The following UNC13C variants were observed in gnomAD, a reference collection of about 807,000 sequenced individuals.
UNC13C encodes the protein protein unc-13 homolog C.
Under a neutral mutation model 245.4 loss-of-function variants are expected in UNC13C, and 174 were observed. That is an observed-to-expected ratio of 0.71 (90% CI 0.63 to 0.80). UNC13C has a LOEUF of 0.80. UNC13C is among the 30% of genes least tolerant of loss of function. The probability of loss-of-function intolerance (pLI) is 0.00; values close to 1 mark genes in which losing one functional copy is unlikely to be tolerated. For synonymous variants in UNC13C, 992 were observed against 895.1 expected (o/e 1.11, Z -1.93); for missense variants, 2,829 against 2,602.9 (o/e 1.09, Z -1.89).
At chr15:53,973,118 T>C in the UNC13C span, among the ~76,000 whole-genome samples, 1 of 152,252 alleles carries the variant, frequency 6.6e-6, no homozygotes, top group East Asian at 1.9e-4. Flanking sequence ...ATTACATAAA[T>C]AGCATATGGC....
chr15:54,056,272 G>A (rs1056128432), intron 2 of UNC13C, among the ~76,000 whole-genome samples: 1 of 152,162 alleles, frequency 6.6e-6, no homozygotes, highest in Non-Finnish European at 1.5e-5. Context: ...TAAAGGACCT[G>A]ATGGATCAGA....
At chr15:54,312,313 C>T (rs915425921) in intron 13 of UNC13C, among the ~76,000 whole-genome samples, 13 of 151,582 alleles carry the variant, frequency 8.6e-5, no homozygotes, top group Non-Finnish European at 2.9e-5. Flanking sequence ...GTTTGCTGAC[C>T]ACCTGGATGT....
chr15:54,296,282 G>T (rs1276985940), intron 11 of UNC13C, among the ~76,000 whole-genome samples: 1 of 151,964 alleles, frequency 6.6e-6, no homozygotes, highest in Non-Finnish European at 1.5e-5. Flanking sequence ...CTCACTGCAA[G>T]CTCCGCCTCC....
intron 17 of UNC13C, among the ~76,000 whole-genome samples, chr15:54,374,843 C>T (rs2039571129): frequency 6.6e-6 from 1 of 152,246 alleles, no homozygotes; most frequent in Non-Finnish European, 1.5e-5. Flanking sequence ...GATGGGCTGC[C>T]ACTGCCATCA....
chr15:53,918,446 G>A, the UNC13C span, among the ~76,000 whole-genome samples: 11 of 152,252 alleles, frequency 7.2e-5, no homozygotes, highest in African/African-American at 2.6e-4. Context: ...AAAAATAGTA[G>A]TAATTTAACC....
At chr15:54,321,795 T>C in intron 13 of UNC13C, 144 bp from the exon 14 acceptor site, 1 of 871,738 alleles carries the variant, frequency 1.1e-6, no homozygotes, top group South Asian at 1.9e-5. Context: ...GCCAAAATTG[T>C]TTTTCTTTCA....
chr15:54,270,918 C>T (rs1222033421), intron 10 of UNC13C, among the ~76,000 whole-genome samples: 1 of 151,912 alleles, frequency 6.6e-6, no homozygotes, highest in African/African-American at 2.4e-5. Flanking sequence ...TGCTGCAGAC[C>T]TAAACAAGGC....
chr15:54,224,193 G>A (rs1046670879), intron 4 of UNC13C, among the ~76,000 whole-genome samples: 55 of 152,072 alleles, frequency 3.6e-4, no homozygotes, highest in African/African-American at 1.3e-3. Context: ...GTGACAGTGG[G>A]CATCCTTGTG....
At chr15:54,576,089 G>A (rs1436876465) in intron 30 of UNC13C, among the ~76,000 whole-genome samples, 5 of 152,214 alleles carry the variant, frequency 3.3e-5, no homozygotes, top group Middle Eastern at 3.2e-3. Context: ...AACATCTTGT[G>A]CACTAACCAA....
the UNC13C span, among the ~76,000 whole-genome samples, chr15:53,878,406 T>C: frequency 2.8e-4 from 42 of 152,322 alleles, 1 homozygote; most frequent in African/African-American, 9.4e-4. Context: ...GTGCCAGATT[T>C]TGAAATAGAG....
At chr15:54,243,858 T>G (rs1361496365) in intron 7 of UNC13C, among the ~76,000 whole-genome samples, 1 of 152,226 alleles carries the variant, frequency 6.6e-6, no homozygotes, top group East Asian at 1.9e-4. Flanking sequence ...TTTAAGTTCC[T>G]TATAGATCTT....
intron 2 of UNC13C, among the ~76,000 whole-genome samples, chr15:54,042,820 T>C (rs956748116): frequency 1.3e-5 from 2 of 151,940 alleles, no homozygotes; most frequent in East Asian, 1.9e-4. Flanking sequence ...GCCACTGCAC[T>C]CCAGCCTGGG....
chr15:54,334,362 T>C (rs1399489123), intron 16 of UNC13C, among the ~76,000 whole-genome samples: 1 of 152,144 alleles, frequency 6.6e-6, no homozygotes, highest in African/African-American at 2.4e-5. Context: ...TATTTCTTTT[T>C]AGATATATCA....
the UNC13C span, chr15:53,910,661 G>C: frequency 6.8e-6 from 1 of 146,756 alleles, no homozygotes; most frequent in African/African-American, 2.4e-5. Context: ...CTAAAGCCAA[G>C]GGAGAGCAGG....
chr15:53,873,145 T>TTC, the UNC13C span, among the ~76,000 whole-genome samples: 32,132 of 151,722 alleles, frequency 0.21, 3,698 homozygotes, highest in Admixed American at 0.28. Context: ...ACGTTTTTTT[T>TTC]TTTAGTGGCT....
chr15:54,027,505 G>A (rs1896163860), intron 2 of UNC13C, among the ~76,000 whole-genome samples: 1 of 152,170 alleles, frequency 6.6e-6, no homozygotes, highest in African/African-American at 2.4e-5. Flanking sequence ...AAGTAGCTGG[G>A]ATTACAGGCA....
At chr15:54,481,279 G>A (rs1018402965) in intron 19 of UNC13C, among the ~76,000 whole-genome samples, 5 of 152,070 alleles carry the variant, frequency 3.3e-5, no homozygotes, top group South Asian at 2.1e-4. Context: ...AGTAGTGGTG[G>A]TGAGCCAACC....
At chr15:54,133,102 T>A (rs939394044) in intron 2 of UNC13C, among the ~76,000 whole-genome samples, 10 of 152,200 alleles carry the variant, frequency 6.6e-5, no homozygotes, top group African/African-American at 2.4e-4. Flanking sequence ...GAATAAACAT[T>A]CCTTGTTTTA....
intron 2 of UNC13C, among the ~76,000 whole-genome samples, chr15:54,063,483 C>T (rs1047100029): frequency 6.6e-6 from 1 of 152,038 alleles, no homozygotes; most frequent in African/African-American, 2.4e-5. Flanking sequence ...TAGGAGTCAT[C>T]AGCTCTCGGT....
Sources: gnomAD v4.1 joint callset for allele counts (sites outside exome capture counted in the v4.1 genomes callset) on GRCh38, gnomAD v4.1.1 for gene constraint, MANE v1.5 for transcripts, NCBI Gene and HGNC (gene_info 2026-07-23, HGNC 2026-07-21) for gene names.